FAM83G: variants seen among roughly 807,000 people sequenced by gnomAD.
The protein encoded by FAM83G is protein FAM83G.
A neutral mutation model predicts 61.5 loss-of-function variants in FAM83G; 38 were observed. That is an observed-to-expected ratio of 0.62 (90% CI 0.48 to 0.81). The LOEUF (loss-of-function observed/expected upper bound fraction) is 0.81. Ranked by LOEUF, FAM83G falls within the 30% of genes least tolerant of loss-of-function variation. The pLI is 0.00. For missense variants in FAM83G, 989 were observed against 1,133.6 expected, an observed-to-expected ratio of 0.87 and a Z score of 1.83; for synonymous variants, 470 against 476.1, an observed-to-expected ratio of 0.99 and a Z score of 0.17.
In FAM83G at chr17:18,978,361, G is replaced by A. The variant is rs1375426806; in HGVS notation, c.1305C>T (p.Asn435=). The change falls in exon 5 of 6, where the codon AAC becomes AAT. Residue 435 remains asparagine (N), a synonymous_variant. Transcript: ENST00000388995. ...TCTGGCTGGGCTGGGGGTTCCAGAT[G>A]TTGGGGTCGATGATATTGATGTAGC... ...ILGYINIIDP[N]IWNPQPSQMN... 6.3e-7 allele frequency: 1 copy of A among 1,597,686 alleles called. No individual in the cohort carries two copies. Among genetic ancestry groups the A allele is most frequent in the South Asian group, 1.1e-5 (1 of 89,296 alleles).
chr17:18,977,753 G>T lies in FAM83G; in HGVS notation c.1913C>A (p.Ala638Asp), dbSNP rs747982022. Reference protein sequence around the residue: ...PLRRRHSEQVANGPTPPPRRQ... With the variant: ...PLRRRHSEQVDNGPTPPPRRQ... Reference sequence around the variant, plus strand: ...GCGCGGTGGTGGGGTTGGCCCGTTGGCCACTTGCTCTGAGTGGCGCCTCCG... The same window carrying T: ...GCGCGGTGGTGGGGTTGGCCCGTTGTCCACTTGCTCTGAGTGGCGCCTCCG... Residue 638 changes from alanine to aspartate, a missense_variant, in exon 5 of 6, where the codon GCC becomes GAC. Ala to Asp is a moderately radical substitution (Grantham distance 126). Coordinates refer to ENST00000388995, the MANE Select transcript of FAM83G (RefSeq NM_001039999.3). 1.2e-6 allele frequency: 2 copies of T among 1,605,438 alleles called. No individual in the cohort carries two copies. Among genetic ancestry groups the T allele is most frequent in the Non-Finnish European group, 1.7e-6 (2 of 1,176,306 alleles).
At chr17:18,985,289 C>T (rs1307727979) in intron 3 of FAM83G, among the ~76,000 whole-genome samples, 2 of 152,206 alleles carry the variant, frequency 1.3e-5, no homozygotes, top group Non-Finnish European at 2.9e-5. Flanking sequence ...GTAGACAAGA[C>T]AATGGAGGCC....
rs755743397 is a variant in FAM83G at position 19,003,820 on chromosome 17, G to A, written c.222C>T (p.Tyr74=). 6.2e-7 allele frequency: 1 copy of A among 1,612,892 alleles called. No individual in the cohort carries two copies. The highest frequency in any genetic ancestry group is 1.7e-5 in the Admixed American group (1 of 60,026). The change falls in exon 2 of 6, where the codon TAC becomes TAT. Residue 74 remains tyrosine, a synonymous_variant. Coordinates refer to ENST00000388995, the MANE Select transcript of FAM83G (RefSeq NM_001039999.3). The surrounding 1 kb of genome is among the most constrained non-coding windows in gnomAD (Gnocchi z 4.5). The part of the protein sequence containing the change: ...LKRILETIEV[Y]DPGSEDPRGT... Reference sequence around the variant, plus strand: ...CCCGAGGGTCCTCAGAGCCCGGGTCGTACACCTCGATGGTCTCCAGGATGC... The same window carrying A: ...CCCGAGGGTCCTCAGAGCCCGGGTCATACACCTCGATGGTCTCCAGGATGC...
In FAM83G at chr17:18,977,666, G is replaced by A. The variant is rs1282918738; in HGVS notation, c.2000C>T (p.Pro667Leu). 1 of 1,610,354 alleles carries A rather than the reference G, an allele frequency of 6.2e-7. No individual in the cohort carries two copies. The highest frequency in any genetic ancestry group is 1.1e-5 in the South Asian group (1 of 91,072). The part of the protein sequence containing the change: ...GTFVGPQGGS[P>L]WAQSRGREEA... ...TTCTCTTCCCCGACTCTGGGCCCATGGGGAGCCACCCTGGGGTCCAACAAA... is the reference window on the plus strand; with the variant it reads ...TTCTCTTCCCCGACTCTGGGCCCATAGGGAGCCACCCTGGGGTCCAACAAA... Residue 667 changes from proline to leucine, a missense_variant, in exon 5 of 6, where the codon CCA (proline) becomes CTA (leucine). Physicochemically the swap from Pro to Leu is moderately conservative, Grantham distance 98 (BLOSUM62 -3). Transcript: ENST00000388995.
chr17:18,978,391 G>T lies in FAM83G; in HGVS notation c.1275C>A (p.Ile425=). 1 of 1,591,024 alleles carries T rather than the reference G, an allele frequency of 6.3e-7. No individual in the cohort carries two copies. ...VEPDPEPGSD[I]LGYINIIDPN... ...GGTCGATGATATTGATGTAGCCCAGGATGTCGCTGCCAGGCTCCGGGTCTG... is the reference window on the plus strand; with the variant it reads ...GGTCGATGATATTGATGTAGCCCAGTATGTCGCTGCCAGGCTCCGGGTCTG... The change falls in exon 5 of 6, where the codon ATC becomes ATA. Residue 425 remains isoleucine, a synonymous_variant. Coordinates refer to ENST00000388995, the MANE Select transcript of FAM83G (RefSeq NM_001039999.3).
At chr17:18,998,354 A>G (rs571067080) in intron 2 of FAM83G, among the ~76,000 whole-genome samples, 46 of 152,346 alleles carry the variant, frequency 3.0e-4, no homozygotes, top group African/African-American at 1.1e-3. Context: ...GCAAGTGGCT[A>G]AGTGGGACCA....
intron 5 of FAM83G, among the ~76,000 whole-genome samples, chr17:18,974,744 C>T (rs1267027566): frequency 1.3e-5 from 2 of 152,216 alleles, no homozygotes; most frequent in Non-Finnish European, 2.9e-5. Flanking sequence ...CTAGCAGCCT[C>T]ACTTAAGTCG....
At chr17:18,977,399 A>G (rs2043006316) in intron 5 of FAM83G, 185 bp downstream of exon 5, 2 of 629,940 alleles carry the variant, frequency 3.2e-6, no homozygotes, top group East Asian at 2.9e-5. Context: ...AGCATTAATG[A>G]TGGCCTTCCA....
intron 3 of FAM83G, among the ~76,000 whole-genome samples, chr17:18,981,358 G>GGC: frequency 6.6e-6 from 1 of 152,182 alleles, no homozygotes; most frequent in Non-Finnish European, 1.5e-5. Flanking sequence ...AGCGAGCAGG[G>GGC]GCGGGCTCCT....
At position 18,978,477 on chromosome 17, in the gene FAM83G, G is replaced by T; in HGVS notation, c.1189C>A (p.Pro397Thr). The part of the protein sequence containing the change: ...ELPELLPPIH[P>T]GLLHLERANM... ...GCCCTCTCCAGGTGAAGCAGTCCTG[G>T]GTGGATGGGTGGCAGCAGCTCGGGG... The change falls in exon 5 of 6, where the codon CCA (proline) becomes ACA (threonine). Residue 397 changes from proline to threonine, a missense_variant. Pro to Thr is a conservative substitution (Grantham distance 38). This residue lies in a region of FAM83G where 574 missense variants were observed against 645.1 expected (regional missense o/e 0.89). Coordinates refer to ENST00000388995, the MANE Select transcript of FAM83G (RefSeq NM_001039999.3). The T allele has an allele frequency of 6.2e-7, 1 of 1,611,766 alleles. No individual in the cohort carries two copies.
chr17:18,990,501 G>A (rs1039483527), intron 2 of FAM83G, among the ~76,000 whole-genome samples: 2 of 152,212 alleles, frequency 1.3e-5, no homozygotes, highest in Non-Finnish European at 2.9e-5. Context: ...CTTCTCCCTG[G>A]AGGGCACCAG....
chr17:18,971,559 G>T lies in FAM83G; in HGVS notation c.2272C>A (p.Pro758Thr), dbSNP rs1444809818. ...GGQVPRLLPD[P>T]GSPRLAQNAR... ...TTTTGGGCCAGTCTTGGGCTGCCGG[G>T]ATCCGGAAGCAGGCGGGGTACCTGA... The change falls in exon 6 of 6, where the codon CCC (proline) becomes ACC (threonine). Residue 758 changes from proline to threonine, a missense_variant. This residue lies in a region of FAM83G where 574 missense variants were observed against 645.1 expected (regional missense o/e 0.89). Transcript: ENST00000388995. The surrounding 1 kb of genome is among the most constrained non-coding windows in gnomAD (Gnocchi z 5.5). 6.2e-7 allele frequency: 1 copy of T among 1,613,870 alleles called. No individual in the cohort carries two copies. Among genetic ancestry groups the T allele is most frequent in the Non-Finnish European group, 8.5e-7 (1 of 1,180,020 alleles).
At chr17:18,980,889 G>T (rs2043113796) in intron 3 of FAM83G, among the ~76,000 whole-genome samples, 1 of 152,156 alleles carries the variant, frequency 6.6e-6, no homozygotes, top group Non-Finnish European at 1.5e-5. Context: ...TTCCTGACTG[G>T]TCTGCCTGCA....
chr17:18,979,096 C>T (rs895134272), intron 4 of FAM83G: 2 of 574,308 alleles, frequency 3.5e-6, no homozygotes, highest in Non-Finnish European at 6.2e-6. Flanking sequence ...CAGGCTGGTA[C>T]AGGATTCACT....
At chr17:18,974,591 C>T (rs887261129) in intron 5 of FAM83G, among the ~76,000 whole-genome samples, 5 of 152,226 alleles carry the variant, frequency 3.3e-5, no homozygotes. Flanking sequence ...CCACCTCAGT[C>T]ATAACAGCAA....
rs1330424635 is a variant in FAM83G at position 18,970,706 on chromosome 17, A to C, written c.*653T>G. 1.3e-5 allele frequency: 5 copies of C among 399,836 alleles called. No homozygotes were observed. The East Asian group carries it at 1.4e-4, about 11-fold the overall frequency. 24.8% of individuals were successfully genotyped at this position (399,836 alleles called of 1,614,324 possible). On this transcript the variant is annotated 3_prime_UTR_variant, in exon 6 of 6. Coordinates refer to ENST00000388995, the MANE Select transcript of FAM83G (RefSeq NM_001039999.3). ...AACCTGGCTGAGAACCACTTGCCCAAGGCCGATGAGTGTCCAGAGGCCAAC... is the reference window on the plus strand; with the variant it reads ...AACCTGGCTGAGAACCACTTGCCCACGGCCGATGAGTGTCCAGAGGCCAAC...
chr17:18,981,934 T>C (rs886430954), intron 3 of FAM83G, among the ~76,000 whole-genome samples: 3 of 152,178 alleles, frequency 2.0e-5, no homozygotes, highest in Non-Finnish European at 4.4e-5. Flanking sequence ...TCCCTGTCAC[T>C]GAGCCCAACC....
Position 19,003,429 on chromosome 17 carries a change from G to A in FAM83G, c.522+91C>T, listed in dbSNP as rs1465074212. On this transcript the variant is annotated intron_variant, in intron 2 of 5. Coordinates refer to ENST00000388995, the MANE Select transcript of FAM83G (RefSeq NM_001039999.3). This position sits in a 1 kb window ranked among gnomAD's most constrained non-coding sequence, Gnocchi z 4.5. ...CAGAGATCCCTAGAAGCCCATGTTGGGCTCCCGTTTTGGGCTCTGAGTGAG... is the reference window on the plus strand; with the variant it reads ...CAGAGATCCCTAGAAGCCCATGTTGAGCTCCCGTTTTGGGCTCTGAGTGAG... The A allele has an allele frequency of 1.5e-6, 2 of 1,359,162 alleles. No individual in the cohort carries two copies. The highest frequency in any genetic ancestry group is 1.9e-6 in the Non-Finnish European group (2 of 1,033,976). The allele number at this position is 1,359,162 out of a possible 1,614,324, so 84.2% of individuals were successfully genotyped here.
intron 2 of FAM83G, among the ~76,000 whole-genome samples, chr17:19,002,860 G>C (rs770568686): frequency 6.6e-6 from 1 of 152,132 alleles, no homozygotes; most frequent in Non-Finnish European, 1.5e-5. Flanking sequence ...GGTCCCTTCC[G>C]GTGGCAAAAT....
Sources: allele counts gnomAD v4.1 joint callset (sites outside exome capture counted in the v4.1 genomes callset), GRCh38; gene constraint gnomAD v4.1.1; regional missense constraint gnomAD v4.1.1; non-coding constraint Gnocchi (gnomAD v3.1); transcripts MANE v1.5; gene names NCBI Gene and HGNC (gene_info 2026-07-23, HGNC 2026-07-21).